Variants in GDAP2 observed in about 807,000 individuals in gnomAD.
GDAP2 encodes ganglioside-induced differentiation-associated protein 2.
A neutral mutation model predicts 67.0 loss-of-function variants in GDAP2; 51 were observed. The ratio of observed to expected loss-of-function variants is 0.76; its 90% CI spans 0.61 to 0.96. The LOEUF (loss-of-function observed/expected upper bound fraction) is 0.96. Ranked by LOEUF, GDAP2 falls within the 40% of genes least tolerant of loss-of-function variation. GDAP2 has a pLI of 0.00. For missense variants in GDAP2, 547 were observed against 588.3 expected (o/e 0.93, Z 0.73); for synonymous variants, 203 against 207.3 (o/e 0.98, Z 0.18).
At chr1:117,924,796 C>T (rs1650386701) in intron 1 of GDAP2, among the ~76,000 whole-genome samples, 1 of 152,056 alleles carries the variant, frequency 6.6e-6, no homozygotes, top group South Asian at 2.1e-4. Flanking sequence ...GGTGTTTAGT[C>T]CATCAAATTG....
chr1:117,895,646 A>C (rs1175129315), intron 8 of GDAP2, among the ~76,000 whole-genome samples: 1 of 152,170 alleles, frequency 6.6e-6, no homozygotes, highest in African/African-American at 2.4e-5. Flanking sequence ...CCAAGTTTAG[A>C]AACCACTGAA....
chr1:117,912,908 T>C (rs1557808012), intron 3 of GDAP2, among the ~76,000 whole-genome samples: 1 of 152,120 alleles, frequency 6.6e-6, no homozygotes, highest in Non-Finnish European at 1.5e-5. Flanking sequence ...AGAAAGACCA[T>C]GAAGCAGATA....
chr1:117,904,389 T>C (rs529887940), intron 6 of GDAP2, among the ~76,000 whole-genome samples: 9 of 152,350 alleles, frequency 5.9e-5, no homozygotes, highest in Non-Finnish European at 8.8e-5. Context: ...CTCATTTTAC[T>C]AAGAGGATGT....
At position 117,876,460 on chromosome 1, in the gene GDAP2, C is replaced by T. The variant is rs188956796; in HGVS notation, c.1446+1549G>A. 3.3e-5 allele frequency among the ~76,000 whole-genome samples: 5 copies of T among 152,216 alleles called. No individual in the cohort carries two copies. The South Asian group carries it at 6.2e-4, about 19-fold the overall frequency. ...TCTTTATACTTAGCCTCAGGTATTCCCTTACAGCAACAAAGAAATGGACTA... is the reference window on the plus strand; with the variant it reads ...TCTTTATACTTAGCCTCAGGTATTCTCTTACAGCAACAAAGAAATGGACTA... On this transcript the variant is annotated intron_variant, in intron 13 of 13. Coordinates refer to ENST00000369443, the MANE Select transcript of GDAP2 (RefSeq NM_017686.4).
intron 3 of GDAP2, among the ~76,000 whole-genome samples, chr1:117,916,791 T>C (rs1650059147): frequency 6.6e-6 from 1 of 152,086 alleles, no homozygotes; most frequent in Non-Finnish European, 1.5e-5. Context: ...CCCAGCACAT[T>C]GGGAGGCCGA....
intron 5 of GDAP2, among the ~76,000 whole-genome samples, chr1:117,907,608 T>C (rs186853670): frequency 1.4e-4 from 21 of 152,340 alleles, no homozygotes; most frequent in African/African-American, 5.1e-4. Flanking sequence ...ATGCTTCCTT[T>C]ACCTCTTCCT....
chr1:117,887,794 A>AT lies in GDAP2; in HGVS notation c.954-21_954-20insA. 5 of 1,304,634 alleles carry AT rather than the reference A, an allele frequency of 3.8e-6. No homozygotes were observed. The highest frequency in any genetic ancestry group is 5.5e-6 in the Non-Finnish European group (5 of 901,818). The allele number at this position is 1,304,634 out of a possible 1,614,324, so 80.8% of individuals were successfully genotyped here. The stretch of plus-strand genomic sequence containing the variant: ...TTATAACTAGGGAAATAAATGATAT[A>AT]ATCATTATAATAAACCCTTGGAAAT... On this transcript the variant is annotated intron_variant, in intron 8 of 13. Coordinates refer to ENST00000369443, the MANE Select transcript of GDAP2 (RefSeq NM_017686.4).
In GDAP2 at chr1:117,864,397, A is replaced by G. The variant is rs1405868489; in HGVS notation, c.*6172T>C. On this transcript the variant is annotated 3_prime_UTR_variant, in exon 14 of 14. Coordinates refer to ENST00000369443, the MANE Select transcript of GDAP2 (RefSeq NM_017686.4). ...CATCACTATGTGCTGAACAAATTAA[A>G]GTAATAGTCTGAATAGGAGAAAACA... 6.6e-6 allele frequency: 1 copy of G among 152,200 alleles called. No homozygotes were observed. Among genetic ancestry groups the G allele is most frequent in the Non-Finnish European group, 1.5e-5 (1 of 68,040 alleles). 9.4% of individuals were successfully genotyped at this position (152,200 alleles called of 1,614,324 possible). A position where few individuals can be genotyped will look rare whatever the true frequency, so the allele number is the denominator to read the frequency against.
At chr1:117,901,444 T>A (rs555210610) in intron 6 of GDAP2, among the ~76,000 whole-genome samples, 2 of 152,236 alleles carry the variant, frequency 1.3e-5, no homozygotes, top group African/African-American at 4.8e-5. Context: ...ACTGCCAGAC[T>A]GTTTTCCAAA....
chr1:117,878,731 G>A (rs751292839), intron 12 of GDAP2, among the ~76,000 whole-genome samples: 6 of 152,118 alleles, frequency 3.9e-5, no homozygotes, highest in Non-Finnish European at 7.4e-5. Flanking sequence ...CTCTCTAAAA[G>A]CTAGTCTGCA....
chr1:117,892,980 C>G (rs561711363), intron 8 of GDAP2, among the ~76,000 whole-genome samples: 1 of 152,096 alleles, frequency 6.6e-6, no homozygotes, highest in African/African-American at 2.4e-5. Context: ...TATTCATATA[C>G]TAATTAGTTT....
At chr1:117,872,148 G>A (rs1048781544) in intron 13 of GDAP2, among the ~76,000 whole-genome samples, 2 of 151,980 alleles carry the variant, frequency 1.3e-5, no homozygotes, top group African/African-American at 4.8e-5. Flanking sequence ...AGATACCATC[G>A]TATGCCAGTC....
At position 117,864,006 on chromosome 1, in the gene GDAP2, T is replaced by A. The variant is rs1183032783; in HGVS notation, c.*6563A>T. The A allele has an allele frequency of 1.3e-5, 2 of 152,234 alleles. No homozygotes were observed. The highest frequency in any genetic ancestry group is 4.8e-5 in the African/African-American group (2 of 41,464). The allele number at this position is 152,234 out of a possible 1,614,324, so 9.4% of individuals were successfully genotyped here. On this transcript the variant is annotated 3_prime_UTR_variant, in exon 14 of 14. Transcript: ENST00000369443. ...AAAGTTGAGAAACAGGCCCAAGGTCTGAGTGTGTCAGAAGCCAAAGCGCCA... is the reference window on the plus strand; with the variant it reads ...AAAGTTGAGAAACAGGCCCAAGGTCAGAGTGTGTCAGAAGCCAAAGCGCCA...
intron 1 of GDAP2, among the ~76,000 whole-genome samples, chr1:117,923,912 C>A (rs1473999891): frequency 2.0e-5 from 3 of 152,194 alleles, no homozygotes; most frequent in Non-Finnish European, 4.4e-5. Flanking sequence ...CTACAAGTCC[C>A]CCATCCAACC....
intron 7 of GDAP2, among the ~76,000 whole-genome samples, chr1:117,898,313 A>T (rs1649329909): frequency 6.6e-6 from 1 of 152,202 alleles, no homozygotes; most frequent in Non-Finnish European, 1.5e-5. Flanking sequence ...TGGTTTCCAG[A>T]TATTTCACAT....
At chr1:117,911,033 A>G (rs896042123) in intron 5 of GDAP2, among the ~76,000 whole-genome samples, 1 of 152,210 alleles carries the variant, frequency 6.6e-6, no homozygotes, top group Non-Finnish European at 1.5e-5. Context: ...GTAGCACAGA[A>G]TAAGTCCAAA....
chr1:117,920,422 T>C lies in GDAP2; in HGVS notation c.-65A>G, dbSNP rs1318629750. 4.1e-6 allele frequency: 4 copies of C among 978,836 alleles called. No individual in the cohort carries two copies. The highest frequency in any genetic ancestry group is 3.3e-5 in the African/African-American group (2 of 61,240). The allele number at this position is 978,836 out of a possible 1,614,324, so 60.6% of individuals were successfully genotyped here. On this transcript the variant is annotated splice_region_variant and 5_prime_UTR_variant, in exon 2 of 14. Coordinates refer to ENST00000369443, the MANE Select transcript of GDAP2 (RefSeq NM_017686.4). ...GCAATTCAATATTCACTGGAGACTT[T>C]AGCTTTAAGAGAAAAGAAAGAATCA...
In GDAP2 at chr1:117,864,293, T is replaced by C. The variant is rs892197346; in HGVS notation, c.*6276A>G. ...TCCCTGTTAAGGCCCAGTTCTACAT[T>C]AGTGGTGGAAGGCTTATGGAGAACA... On this transcript the variant is annotated 3_prime_UTR_variant, in exon 14 of 14. Transcript: ENST00000369443. The C allele has an allele frequency of 2.6e-5, 4 of 152,250 alleles. No individual in the cohort carries two copies. The highest frequency in any genetic ancestry group is 5.9e-5 in the Non-Finnish European group (4 of 68,048). 9.4% of individuals were successfully genotyped at this position (152,250 alleles called of 1,614,324 possible). A position where few individuals can be genotyped will look rare whatever the true frequency, so the allele number is the denominator to read the frequency against.
chr1:117,882,468 A>ACCAC (rs1421444184), intron 11 of GDAP2, among the ~76,000 whole-genome samples: 3 of 152,100 alleles, frequency 2.0e-5, no homozygotes, highest in Non-Finnish European at 4.4e-5. Flanking sequence ...CCCAGGCAAT[A>ACCAC]CCACTCCAGA....
Sources: gnomAD v4.1 joint callset for allele counts (sites outside exome capture counted in the v4.1 genomes callset) on GRCh38, gnomAD v4.1.1 for gene constraint, MANE v1.5 for transcripts, NCBI Gene and HGNC (gene_info 2026-07-23, HGNC 2026-07-21) for gene names.